The following CHN2 variants were observed in gnomAD, a reference collection of about 807,000 sequenced individuals.
The protein encoded by CHN2 is beta-chimaerin.
CHN2 carries 35 observed loss-of-function variants against 56.3 expected under a neutral mutation model. The observed-to-expected ratio is 0.62, with a 90% CI of 0.47 to 0.82. The LOEUF (loss-of-function observed/expected upper bound fraction) is 0.82. Among genes scored for constraint, CHN2 ranks in the 40% least tolerant of loss-of-function variants. The probability of loss-of-function intolerance (pLI) is 0.00; values close to 1 mark genes in which losing one functional copy is unlikely to be tolerated. For missense variants in CHN2, 491 were observed against 580.5 expected, an observed-to-expected ratio of 0.85 and a Z score of 1.58; for synonymous variants, 210 against 212.8, an observed-to-expected ratio of 0.99 and a Z score of 0.12.
At chr7:29,176,161 A>G (rs919761144) in intron 2 of CHN2, among the ~76,000 whole-genome samples, 23 of 151,706 alleles carry the variant, frequency 1.5e-4, no homozygotes, top group Non-Finnish European at 1.8e-4. Context: ...ACTCCAGCCT[A>G]GGCGACAGAG....
intron 6 of CHN2, among the ~76,000 whole-genome samples, chr7:29,403,923 T>C (rs1802431170): frequency 6.6e-6 from 1 of 152,208 alleles, no homozygotes; most frequent in Non-Finnish European, 1.5e-5. Flanking sequence ...AGCTCAGACA[T>C]TTAGTGTTAA....
At chr7:29,396,459 C>CA (rs35163855) in intron 4 of CHN2, among the ~76,000 whole-genome samples, 2,868 of 56,516 alleles carry the variant, frequency 0.051, 275 homozygotes, top group African/African-American at 0.14. Flanking sequence ...AGACTCTCTC[C>CA]AAAAAAAAAA....
chr7:29,197,227 C>A (rs1783808819), intron 1 of CHN2, among the ~76,000 whole-genome samples: 1 of 152,108 alleles, frequency 6.6e-6, no homozygotes, highest in African/African-American at 2.4e-5. Context: ...TTTTCAAGGG[C>A]CTACTATGTG....
intron 6 of CHN2, among the ~76,000 whole-genome samples, chr7:29,466,537 A>G (rs910067362): frequency 6.6e-6 from 1 of 152,212 alleles, no homozygotes; most frequent in African/African-American, 2.4e-5. Flanking sequence ...TCTCTCTTGC[A>G]TTTTGGAATG....
At chr7:29,409,154 C>A (rs1276976175) in intron 6 of CHN2, among the ~76,000 whole-genome samples, 2 of 152,164 alleles carry the variant, frequency 1.3e-5, no homozygotes, top group African/African-American at 2.4e-5. Flanking sequence ...AGCACGTGGG[C>A]AGCTCTGCGG....
At chr7:29,193,038 A>G (rs1386363354), upstream of CHN2, 6 of 152,310 alleles carry the variant, frequency 3.9e-5, no homozygotes, top group Admixed American at 3.9e-4. Context: ...CATTTCGTGC[A>G]GTCCACAAAA....
intron 6 of CHN2, among the ~76,000 whole-genome samples, chr7:29,411,296 C>T (rs910265465): frequency 1.3e-5 from 2 of 152,170 alleles, no homozygotes; most frequent in African/African-American, 2.4e-5. Flanking sequence ...AAGGAGGAAA[C>T]ACAATTTTAG....
chr7:29,405,580 T>C (rs1381287881), intron 6 of CHN2, among the ~76,000 whole-genome samples: 1 of 152,116 alleles, frequency 6.6e-6, no homozygotes. Flanking sequence ...CCCAGAGTCC[T>C]CTTGCTTTCT....
intron 2 of CHN2, among the ~76,000 whole-genome samples, chr7:29,355,130 G>C (rs977304904): frequency 6.6e-6 from 1 of 151,604 alleles, no homozygotes; most frequent in Non-Finnish European, 1.5e-5. Context: ...CACCATGCCC[G>C]GCTAATTTTT....
chr7:29,205,741 A>G (rs943813260), intron 1 of CHN2, among the ~76,000 whole-genome samples: 1 of 152,174 alleles, frequency 6.6e-6, no homozygotes, highest in Non-Finnish European at 1.5e-5. Context: ...CAGTCCCAAC[A>G]TTTTAAATTA....
intron 9 of CHN2, among the ~76,000 whole-genome samples, chr7:29,500,623 C>A (rs143672200): frequency 6.6e-6 from 1 of 151,860 alleles, no homozygotes; most frequent in Non-Finnish European, 1.5e-5. Flanking sequence ...CATGGAGTCA[C>A]AAAGCAAAAT....
intron 2 of CHN2, among the ~76,000 whole-genome samples, chr7:29,166,550 G>A (rs1258286297): frequency 6.6e-6 from 1 of 152,018 alleles, no homozygotes; most frequent in African/African-American, 2.4e-5. Context: ...AATAGCTATT[G>A]AGCTATCCAG....
intron 2 of CHN2, among the ~76,000 whole-genome samples, chr7:29,364,278 G>C (rs1228161948): frequency 6.6e-6 from 1 of 152,168 alleles, no homozygotes; most frequent in Non-Finnish European, 1.5e-5. Context: ...GCTGACTGTG[G>C]TATCTTGCAT....
At chr7:29,497,294 G>A (rs1191381446) in intron 8 of CHN2, among the ~76,000 whole-genome samples, 1 of 152,208 alleles carries the variant, frequency 6.6e-6, no homozygotes, top group African/African-American at 2.4e-5. Flanking sequence ...GAATTACTCA[G>A]TGGTCATTAA....
At chr7:29,310,483 ATTG>A (rs1585028182) in intron 1 of CHN2, among the ~76,000 whole-genome samples, 2 of 152,346 alleles carry the variant, frequency 1.3e-5, no homozygotes, top group East Asian at 3.9e-4. Flanking sequence ...ATTATGAGTG[ATTG>A]TTGTTTTATT....
intron 2 of CHN2, among the ~76,000 whole-genome samples, chr7:29,180,211 T>A (rs548015236): frequency 1.3e-5 from 2 of 152,340 alleles, no homozygotes; most frequent in Non-Finnish European, 2.9e-5. Flanking sequence ...AGAATATTTT[T>A]AAAATGTGAT....
chr7:29,472,157 A>G (rs1786111433), intron 6 of CHN2, among the ~76,000 whole-genome samples: 1 of 152,038 alleles, frequency 6.6e-6, no homozygotes, highest in Non-Finnish European at 1.5e-5. Context: ...TCTCTTCCCA[A>G]AAGGAATAGA....
intron 2 of CHN2, among the ~76,000 whole-genome samples, chr7:29,171,221 C>G (rs1159965212): frequency 6.6e-6 from 1 of 152,168 alleles, no homozygotes; most frequent in Non-Finnish European, 1.5e-5. Flanking sequence ...ACAGCGCAGA[C>G]ATCACCTAAT....
intron 6 of CHN2, among the ~76,000 whole-genome samples, chr7:29,435,680 T>C (rs1052409744): frequency 1.3e-5 from 2 of 152,172 alleles, no homozygotes; most frequent in Non-Finnish European, 2.9e-5. Context: ...TGGTCTGTCA[T>C]TGACCAGTCA....
Sources: allele counts gnomAD v4.1 joint callset (sites outside exome capture counted in the v4.1 genomes callset), GRCh38; gene constraint gnomAD v4.1.1; transcripts MANE v1.5; gene names NCBI Gene and HGNC (gene_info 2026-07-23, HGNC 2026-07-21).